The following TBXAS1 variants were observed in gnomAD, a reference collection of about 807,000 sequenced individuals.
The protein encoded by TBXAS1 is thromboxane A synthase 1.
In TBXAS1, 48 loss-of-function variants were observed where a neutral mutation model predicts 60.7. That is an observed-to-expected ratio of 0.79 (90% CI 0.63 to 1.01). The LOEUF (loss-of-function observed/expected upper bound fraction) is 1.01. Among genes scored for constraint, TBXAS1 ranks in the 50% least tolerant of loss-of-function variants. The pLI is 0.00. For synonymous variants in TBXAS1, 287 were observed against 269.7 expected (o/e 1.06, Z -0.63); for missense variants, 685 against 686.3 (o/e 1.00, Z 0.02).
chr7:139,969,177 T>C (rs1206908397), intron 9 of TBXAS1, among the ~76,000 whole-genome samples: 1 of 152,186 alleles, frequency 6.6e-6, no homozygotes, highest in African/African-American at 2.4e-5. Flanking sequence ...ACAGACTGGA[T>C]TGGATTGATA....
At chr7:139,933,302 C>A (rs16882249) in intron 4 of TBXAS1, among the ~76,000 whole-genome samples, 4,636 of 152,176 alleles carry the variant, frequency 0.03, 216 homozygotes, top group African/African-American at 0.1. Context: ...AGGATAGGTA[C>A]GAGATCCAAT....
At chr7:139,871,466 T>C (rs1801819510) in intron 1 of TBXAS1, among the ~76,000 whole-genome samples, 1 of 152,238 alleles carries the variant, frequency 6.6e-6, no homozygotes, top group Non-Finnish European at 1.5e-5. Context: ...GTTCTGACTT[T>C]AGCTGTGTTA....
chr7:139,897,801 C>T (rs909749014), intron 3 of TBXAS1, among the ~76,000 whole-genome samples: 2 of 152,146 alleles, frequency 1.3e-5, no homozygotes, highest in African/African-American at 4.8e-5. Flanking sequence ...GTTGCCTGAC[C>T]CTGCTCAGAG....
intron 9 of TBXAS1, among the ~76,000 whole-genome samples, chr7:139,989,039 G>A (rs1198987875): frequency 6.6e-6 from 1 of 152,206 alleles, no homozygotes; most frequent in Non-Finnish European, 1.5e-5. Context: ...GAGGGAGGCA[G>A]CGCATTGCAG....
At chr7:139,788,175 T>G (rs954872542) in intron 4 of TBXAS1, among the ~76,000 whole-genome samples, 1 of 152,172 alleles carries the variant, frequency 6.6e-6, no homozygotes, top group African/African-American at 2.4e-5. Flanking sequence ...GGTTTAAGAT[T>G]AATGAAAATA....
chr7:139,931,666 G>A (rs1034446966), intron 4 of TBXAS1, among the ~76,000 whole-genome samples: 3 of 151,640 alleles, frequency 2.0e-5, no homozygotes, highest in African/African-American at 4.8e-5. Flanking sequence ...TCACTACCAC[G>A]AGAACAACAT....
Position 139,832,063 on chromosome 7 carries a change from A to G in TBXAS1, c.89+2584A>G, listed in dbSNP as rs577738900. Among the ~76,000 whole-genome samples, 250 of 152,306 alleles carry G rather than the reference A, an allele frequency of 1.6e-3. 1 individual carries two copies. The highest frequency in any genetic ancestry group is 5.7e-3 in the African/African-American group (237 of 41,562). On this transcript the variant is annotated intron_variant, in intron 1 of 12. Transcript: ENST00000448866. ...CTTCCATGGTGAATTTTAGCTCCAG[A>G]TCAACTGCAAGAATAAATCAGCAAT... is the stretch of plus-strand genomic sequence containing the variant.
At chr7:139,979,382 C>T (rs1240537230) in intron 9 of TBXAS1, among the ~76,000 whole-genome samples, 1 of 151,726 alleles carries the variant, frequency 6.6e-6, no homozygotes. Context: ...TAAAAAAAAA[C>T]AAAAAACTTG....
intron 1 of TBXAS1, among the ~76,000 whole-genome samples, chr7:139,861,349 TCA>T (rs1800949310): frequency 6.6e-6 from 1 of 151,856 alleles, no homozygotes; most frequent in Admixed American, 6.6e-5. Flanking sequence ...TCCTCCTGCC[TCA>T]GTCTCCCAAG....
chr7:139,783,583 T>C (rs1797069371), intron 3 of TBXAS1, among the ~76,000 whole-genome samples: 1 of 152,112 alleles, frequency 6.6e-6, no homozygotes, highest in African/African-American at 2.4e-5. Flanking sequence ...TTGGACAGAC[T>C]AGGTAGAAAT....
At chr7:139,958,286 T>C (rs1229991226) in intron 8 of TBXAS1, among the ~76,000 whole-genome samples, 3 of 152,194 alleles carry the variant, frequency 2.0e-5, no homozygotes, top group African/African-American at 7.2e-5. Flanking sequence ...CCTGGACTCC[T>C]TGGCACGATT....
chr7:139,950,664 A>ATCTACGGGACCCCCTCG (rs1809142950), intron 5 of TBXAS1, among the ~76,000 whole-genome samples: 2 of 132,922 alleles, frequency 1.5e-5, no homozygotes, highest in Non-Finnish European at 1.7e-5. Context: ...GGACTCCCTC[A>ATCTACGGGACCCCCTCG]CCCTCCATCT....
chr7:139,986,891 T>C, intron 9 of TBXAS1, among the ~76,000 whole-genome samples: 1 of 151,520 alleles, frequency 6.6e-6, no homozygotes, highest in Non-Finnish European at 1.5e-5. Flanking sequence ...CGAATTTGTG[T>C]GCAAGTTTGC....
intron 3 of TBXAS1, 138 bp from the exon 4 acceptor site, chr7:139,911,087 A>T: frequency 1.3e-6 from 1 of 773,242 alleles, no homozygotes; most frequent in South Asian, 1.4e-5. Flanking sequence ...TATGATTGGA[A>T]CATATGTTTC....
intron 1 of TBXAS1, among the ~76,000 whole-genome samples, chr7:139,832,329 T>A (rs1417298922): frequency 6.6e-6 from 1 of 151,514 alleles, no homozygotes; most frequent in East Asian, 1.9e-4. Flanking sequence ...CTCTGGAAAG[T>A]CTCAGCAATA....
At chr7:139,996,350 G>T (rs934993894) in intron 9 of TBXAS1, among the ~76,000 whole-genome samples, 1 of 152,052 alleles carries the variant, frequency 6.6e-6, no homozygotes, top group Non-Finnish European at 1.5e-5. Flanking sequence ...CTTTCCAGTT[G>T]CCCTGCCACC....
At chr7:139,997,955 C>G (rs957417264) in intron 9 of TBXAS1, among the ~76,000 whole-genome samples, 3 of 152,120 alleles carry the variant, frequency 2.0e-5, no homozygotes, top group African/African-American at 7.2e-5. Context: ...CATAATGGCC[C>G]CCAACCTGGG....
At position 139,793,296 on chromosome 7, in the gene TBXAS1, T is replaced by A. The variant is rs1338345093; in HGVS notation, c.-80+5870T>A. 2.0e-5 allele frequency among the ~76,000 whole-genome samples: 3 copies of A among 152,030 alleles called. No homozygotes were observed. In the East Asian group the frequency reaches 5.8e-4, roughly 29 times the overall value. ...TTAGCTGGACATGGTGGCGCACTCTTGTAGTCCCAGCTACTCAAGAGGCCA... is the reference window on the plus strand; with the variant it reads ...TTAGCTGGACATGGTGGCGCACTCTAGTAGTCCCAGCTACTCAAGAGGCCA... On this transcript the variant is annotated intron_variant, in intron 4 of 16. Transcript: ENST00000336425.
chr7:139,958,903 CAT>C (rs979445728), intron 8 of TBXAS1, among the ~76,000 whole-genome samples: 1 of 152,164 alleles, frequency 6.6e-6, no homozygotes, highest in Non-Finnish European at 1.5e-5. Flanking sequence ...GATCCAGGTT[CAT>C]GTTTCTCCGC....
Sources: gnomAD v4.1 joint callset for allele counts (sites outside exome capture counted in the v4.1 genomes callset) on GRCh38, gnomAD v4.1.1 for gene constraint, MANE v1.5 for transcripts, NCBI Gene and HGNC (gene_info 2026-07-23, HGNC 2026-07-21) for gene names.